Variants in PDE1C observed in about 807,000 individuals in gnomAD.
The protein encoded by PDE1C is phosphodiesterase 1C.
In PDE1C, 62 loss-of-function variants were observed where a neutral mutation model predicts 93.1. The ratio of observed to expected loss-of-function variants is 0.67; its 90% confidence interval spans 0.54 to 0.82. The LOEUF is 0.82. Among genes scored for constraint, PDE1C ranks in the 40% least tolerant of loss-of-function variants. PDE1C has a pLI of 0.00. For synonymous variants in PDE1C, 325 were observed against 310.1 expected, an observed-to-expected ratio of 1.05 and a Z score of -0.50; for missense variants, 742 against 884.6, an observed-to-expected ratio of 0.84 and a Z score of 2.04.
At chr7:32,169,763 A>G (rs1443064725) in intron 3 of PDE1C, 2 of 1,605,870 alleles carry the variant, frequency 1.2e-6, no homozygotes, top group African/African-American at 2.7e-5. Context: ...GAAGGAACAC[A>G]TTGAGTTGCA....
chr7:31,786,893 TTATCTATCTATCTATCTATCTATCTATC>T (rs6150055), intron 16 of PDE1C: 1,814 of 146,040 alleles, frequency 0.012, 23 homozygotes, highest in African/African-American at 0.032. Flanking sequence ...ATATATTATA[TTATCTATCTATCTATCTATCTATCTATC>T]TATCTATCTA....
chr7:31,658,491 C>T, the PDE1C span: 2 of 1,082,526 alleles, frequency 1.8e-6, no homozygotes, highest in African/African-American at 1.6e-5. Context: ...AAAGTGGTGC[C>T]CCTTTGAGAA....
chr7:31,825,361 C>T (rs78953473), intron 12 of PDE1C, among the ~76,000 whole-genome samples: 2 of 151,888 alleles, frequency 1.3e-5, no homozygotes, highest in Admixed American at 6.6e-5. Flanking sequence ...TCACTCTGGG[C>T]GGTGGGAATG....
chr7:31,653,102 A>G, the PDE1C span: 1 of 633,650 alleles, frequency 1.6e-6, no homozygotes, highest in Non-Finnish European at 2.3e-6. Flanking sequence ...CTTACAGTGT[A>G]GTGGGGGAGA....
intron 3 of PDE1C, among the ~76,000 whole-genome samples, chr7:32,157,576 T>A (rs992456776): frequency 2.0e-5 from 3 of 152,186 alleles, no homozygotes; most frequent in Admixed American, 6.5e-5. Context: ...AAGACATTAT[T>A]GGGACATTTG....
Position 31,948,888 on chromosome 7 carries a change from TA to T in PDE1C, c.129-68029del, listed in dbSNP as rs147447121. Among the ~76,000 whole-genome samples, 395 of 152,300 alleles carry T rather than the reference TA, an allele frequency of 2.6e-3. 1 individual carries two copies. The highest frequency in any genetic ancestry group is 4.6e-3 in the Non-Finnish European group (312 of 68,018). On this transcript the variant is annotated intron_variant, in intron 2 of 17. Transcript: ENST00000396191. ...AGAAAGCTTTCTAAAGGCAGTGAACTAAAAGTTGTGCAGTTTGCTGGAAAGT... is the reference window on the plus strand; with the variant it reads ...AGAAAGCTTTCTAAAGGCAGTGAACTAAAGTTGTGCAGTTTGCTGGAAAGT...
intron 1 of PDE1C, among the ~76,000 whole-genome samples, chr7:32,421,268 G>A (rs369429114): frequency 1.3e-5 from 2 of 152,090 alleles, no homozygotes; most frequent in African/African-American, 2.4e-5. Flanking sequence ...GCCTCCCCGC[G>A]GCCTTCAGCC....
intron 1 of PDE1C, among the ~76,000 whole-genome samples, chr7:32,312,799 C>A (rs999525127): frequency 3.3e-5 from 5 of 152,110 alleles, no homozygotes; most frequent in Admixed American, 3.3e-4. Context: ...ACCATAAAAA[C>A]CCTAGAAGAA....
chr7:32,181,591 T>C (rs1803426599), intron 2 of PDE1C, among the ~76,000 whole-genome samples: 2 of 152,234 alleles, frequency 1.3e-5, no homozygotes, highest in South Asian at 4.2e-4. Context: ...AAGATGTTCT[T>C]TGAAACCAAC....
intron 3 of PDE1C, among the ~76,000 whole-genome samples, chr7:32,130,301 C>T (rs1174697357): frequency 6.6e-6 from 1 of 152,108 alleles, no homozygotes; most frequent in African/African-American, 2.4e-5. Context: ...ACTAACATTT[C>T]TTCATTACAA....
At chr7:31,754,372 T>C (rs1356851523) in intron 17 of PDE1C, among the ~76,000 whole-genome samples, 1 of 152,232 alleles carries the variant, frequency 6.6e-6, no homozygotes, top group African/African-American at 2.4e-5. Flanking sequence ...AATGCAGCAA[T>C]TGTGCATCCT....
At chr7:32,273,653 A>G (rs981313931) in intron 1 of PDE1C, among the ~76,000 whole-genome samples, 1 of 152,204 alleles carries the variant, frequency 6.6e-6, no homozygotes, top group Non-Finnish European at 1.5e-5. Flanking sequence ...CATGAGAACC[A>G]GAGGGTAAAG....
At chr7:31,975,567 A>G (rs1212824568) in intron 2 of PDE1C, among the ~76,000 whole-genome samples, 2 of 152,036 alleles carry the variant, frequency 1.3e-5, no homozygotes, top group African/African-American at 2.4e-5. Flanking sequence ...CCTTTAAAAC[A>G]TATCTAATTT....
intron 2 of PDE1C, among the ~76,000 whole-genome samples, chr7:31,884,078 C>T (rs1365173213): frequency 6.6e-6 from 1 of 152,118 alleles, no homozygotes; most frequent in African/African-American, 2.4e-5. Flanking sequence ...GTCTTTCCAG[C>T]TTATGAGATG....
intron 3 of PDE1C, among the ~76,000 whole-genome samples, chr7:32,121,830 C>A (rs1799317147): frequency 6.6e-6 from 1 of 152,168 alleles, no homozygotes; most frequent in South Asian, 2.1e-4. Flanking sequence ...GCAAAATAAC[C>A]AGATATCATC....
chr7:32,179,564 G>A (rs1803250066), intron 2 of PDE1C, among the ~76,000 whole-genome samples: 2 of 152,180 alleles, frequency 1.3e-5, no homozygotes, highest in African/African-American at 4.8e-5. Flanking sequence ...GCATGCAGCA[G>A]TTTGCAGCTT....
chr7:32,116,042 CA>C (rs1206214450), intron 3 of PDE1C, among the ~76,000 whole-genome samples: 1 of 152,114 alleles, frequency 6.6e-6, no homozygotes, highest in Non-Finnish European at 1.5e-5. Context: ...CAAAGAGAAA[CA>C]ATGAGAGACT....
At chr7:32,339,068 G>C (rs574571255) in intron 1 of PDE1C, among the ~76,000 whole-genome samples, 1 of 149,532 alleles carries the variant, frequency 6.7e-6, no homozygotes, top group Admixed American at 6.6e-5. Flanking sequence ...AGTAAGCTAA[G>C]TATTCATCAA....
chr7:32,035,058 T>G (rs1240568529), intron 2 of PDE1C, among the ~76,000 whole-genome samples: 1 of 152,106 alleles, frequency 6.6e-6, no homozygotes, highest in Non-Finnish European at 1.5e-5. Flanking sequence ...GCAGGAGCAT[T>G]GCCCTCTTGG....
Sources: gnomAD v4.1 joint callset for allele counts (sites outside exome capture counted in the v4.1 genomes callset) on GRCh38, gnomAD v4.1.1 for gene constraint, MANE v1.5 for transcripts, NCBI Gene and HGNC (gene_info 2026-07-23, HGNC 2026-07-21) for gene names.